PHACTR3: variants seen among roughly 807,000 people sequenced by gnomAD.
The protein encoded by PHACTR3 is protein phosphatase 1, regulatory subunit 123.
In PHACTR3, 16 loss-of-function variants were observed where a neutral mutation model predicts 66.8. That is an observed-to-expected ratio of 0.24 (90% CI 0.16 to 0.36). PHACTR3 has a LOEUF of 0.36. Among genes scored for constraint, PHACTR3 ranks in the 10% least tolerant of loss-of-function variants. The pLI is 1.00. For missense variants in PHACTR3, 647 were observed against 719.9 expected (o/e 0.90, Z 1.16); for synonymous variants, 323 against 292.1 (o/e 1.11, Z -1.08).
chr20:59,602,284 C>T (rs142330930), upstream of PHACTR3, among the ~76,000 whole-genome samples: 940 of 151,936 alleles, frequency 6.2e-3, 11 homozygotes, highest in African/African-American at 0.021. Flanking sequence ...ACATGCATGT[C>T]GGCCCGGTGT....
Position 59,846,015 on chromosome 20 carries a change from C to T in PHACTR3, c.1664+750C>T, listed in dbSNP as rs375780150. 2.5e-4 allele frequency among the ~76,000 whole-genome samples: 38 copies of T among 152,116 alleles called. No individual in the cohort carries two copies. The South Asian group carries it at 5.6e-3, about 22-fold the overall frequency. ...CCCACTTCTTTTCCATGGCCATGAC[C>T]GGTAGTAATTATGTGAAGTTCTCAA... is the stretch of plus-strand genomic sequence containing the variant. On this transcript the variant is annotated intron_variant, in intron 12 of 12. Transcript: ENST00000371015.
rs567920725 is a variant in PHACTR3 at position 59,796,871 on chromosome 20, A to G, written c.1175-9170A>G. Among the ~76,000 whole-genome samples, 197 of 152,310 alleles carry G rather than the reference A, an allele frequency of 1.3e-3. 1 individual carries two copies. Among genetic ancestry groups the G allele is most frequent in the Non-Finnish European group, 2.5e-3 (172 of 68,014 alleles). On this transcript the variant is annotated intron_variant, in intron 7 of 12. Coordinates refer to ENST00000371015, the MANE Select transcript of PHACTR3 (RefSeq NM_080672.5). ...AGTTATTTGGGGATGTTTGAGTTTC[A>G]TGGATCTGGATGTCCATCTCTCTGC...
rs772097905 is a variant in PHACTR3 at position 59,847,415 on chromosome 20, T to G, written c.*285T>G. The G allele has an allele frequency of 3.2e-6, 1 of 312,412 alleles. No individual in the cohort carries two copies. The highest frequency in any genetic ancestry group is 6.1e-6 in the Non-Finnish European group (1 of 164,902). 19.4% of individuals were successfully genotyped at this position (312,412 alleles called of 1,614,324 possible). ...GAAAACTGTTGTTTGCCTTTCAACC[T>G]TGTTTTACAGTTCTGCAGTGTAATG... On this transcript the variant is annotated 3_prime_UTR_variant, in exon 13 of 13. Transcript: ENST00000371015.
Position 59,604,877 on chromosome 20 carries a change from CTT to C in PHACTR3, c.-117_-116del, listed in dbSNP as rs11477768. On this transcript the variant is annotated 5_prime_UTR_variant, in exon 1 of 13. Transcript: ENST00000371015. ...TCTCCAGCTCGTTTCCTTTCCCGGC[CTT>C]TTTTTTTTTTTTTTTTTTTTAATTT... is the stretch of plus-strand genomic sequence containing the variant. 0.01 allele frequency: 9,729 copies of C among 952,698 alleles called. 9 individuals carry two copies. Among genetic ancestry groups the C allele is most frequent in the African/African-American group, 0.033 (1,552 of 46,772 alleles). The allele number at this position is 952,698 out of a possible 1,614,324, so 59.0% of individuals were successfully genotyped here.
intron 3 of PHACTR3, among the ~76,000 whole-genome samples, chr20:59,754,117 A>C (rs1373974102): frequency 6.6e-6 from 1 of 152,248 alleles, no homozygotes; most frequent in Non-Finnish European, 1.5e-5. Context: ...TGTAACGTGC[A>C]TCTCAGTGAC....
Position 59,820,936 on chromosome 20 carries a change from C to G in PHACTR3, c.1328+14742C>G, listed in dbSNP as rs2042013826. 6.6e-6 allele frequency among the ~76,000 whole-genome samples: 1 copy of G among 152,124 alleles called. No individual in the cohort carries two copies. Among genetic ancestry groups the G allele is most frequent in the Non-Finnish European group, 1.5e-5 (1 of 68,014 alleles). On this transcript the variant is annotated intron_variant, in intron 8 of 12. Transcript: ENST00000371015. This position sits in a 1 kb window ranked among gnomAD's most constrained non-coding sequence, Gnocchi z 4.6. ...CTTGAAATGGGTGTGTGATGTCTGCCTGCTCAGATGCTTGCAGGGACTAAA... is the reference window on the plus strand; with the variant it reads ...CTTGAAATGGGTGTGTGATGTCTGCGTGCTCAGATGCTTGCAGGGACTAAA...
intron 1 of PHACTR3, among the ~76,000 whole-genome samples, chr20:59,737,674 G>A (rs1411378081): frequency 6.6e-6 from 1 of 152,144 alleles, no homozygotes; most frequent in African/African-American, 2.4e-5. Flanking sequence ...GGGTGAGCCA[G>A]GACTGTCTAA....
chr20:59,780,910 T>C (rs554646702), intron 7 of PHACTR3, among the ~76,000 whole-genome samples: 131 of 152,320 alleles, frequency 8.6e-4, no homozygotes, highest in African/African-American at 3.0e-3. Flanking sequence ...TTTGTCTCAT[T>C]GTGCTCAGTG....
At chr20:59,714,265 G>A (rs6128672) in intron 1 of PHACTR3, among the ~76,000 whole-genome samples, 2 of 152,104 alleles carry the variant, frequency 1.3e-5, no homozygotes, top group Admixed American at 1.3e-4. Context: ...TCTTATGTAA[G>A]GAGTATTTGC....
chr20:59,677,745 T>A (rs1351636667), intron 1 of PHACTR3, among the ~76,000 whole-genome samples: 3 of 152,204 alleles, frequency 2.0e-5, no homozygotes, highest in Non-Finnish European at 2.9e-5. Context: ...GAGTGTGGTT[T>A]GCGTGTTGTT....
Position 59,738,493 on chromosome 20 carries a change from T to C in PHACTR3, c.119-4614T>C, listed in dbSNP as rs965615003. On this transcript the variant is annotated intron_variant, in intron 1 of 12. Transcript: ENST00000371015. The surrounding 1 kb of genome is among the most constrained non-coding windows in gnomAD (Gnocchi z 4.4). ...CCAGTTGCTGGGGCAGGGATGCTGG[T>C]ACTGGACCAGGGTTGTTATGATGCA... Among the ~76,000 whole-genome samples, 4 of 151,770 alleles carry C rather than the reference T, an allele frequency of 2.6e-5. No individual in the cohort carries two copies. Among genetic ancestry groups the C allele is most frequent in the African/African-American group, 4.8e-5 (2 of 41,300 alleles).
intron 1 of PHACTR3, among the ~76,000 whole-genome samples, chr20:59,643,643 G>T (rs886785518): frequency 1.3e-5 from 2 of 152,198 alleles, no homozygotes; most frequent in African/African-American, 4.8e-5. Context: ...ATCCCAGTGG[G>T]AGAATTAATC....
rs942353419 is a variant in PHACTR3 at position 59,604,931 on chromosome 20, G to A, written c.-84G>A. 19 of 1,024,046 alleles carry A rather than the reference G, an allele frequency of 1.9e-5. No individual in the cohort carries two copies. The highest frequency in any genetic ancestry group is 2.2e-5 in the Non-Finnish European group (19 of 859,914). The allele number at this position is 1,024,046 out of a possible 1,614,324, so 63.4% of individuals were successfully genotyped here. A position where few individuals can be genotyped will look rare whatever the true frequency, so the allele number is the denominator to read the frequency against. On this transcript the variant is annotated 5_prime_UTR_variant, in exon 1 of 13. Transcript: ENST00000371015. ...CTTTTTTAAAAAGACGCCCCCTCCAGCCCCCTCGCCGGTGACCTTGGCCGC... is the reference window on the plus strand; with the variant it reads ...CTTTTTTAAAAAGACGCCCCCTCCAACCCCCTCGCCGGTGACCTTGGCCGC...
At chr20:59,845,300 T>C (rs2059128746) in intron 12 of PHACTR3, 35 bp downstream of exon 12, 1 of 1,385,110 alleles carries the variant, frequency 7.2e-7, no homozygotes, top group Non-Finnish European at 1.0e-6. Flanking sequence ...ATGGTACTTA[T>C]TTTTGAAACA....
At chr20:59,806,845 C>T (rs79896354) in intron 8 of PHACTR3, among the ~76,000 whole-genome samples, 5,301 of 152,306 alleles carry the variant, frequency 0.035, 309 homozygotes, top group African/African-American at 0.11. Context: ...GCTACAAACC[C>T]GTACAGCACA....
At chr20:59,698,431 TA>T (rs1000503587) in intron 1 of PHACTR3, among the ~76,000 whole-genome samples, 17 of 146,770 alleles carry the variant, frequency 1.2e-4, no homozygotes, top group South Asian at 2.2e-4. Flanking sequence ...TGTTGAATGA[TA>T]AAAAAAAAAG....
chr20:59,588,716 AC>A (rs567383097), intron 1 of PHACTR3, among the ~76,000 whole-genome samples: 1 of 127,352 alleles, frequency 7.9e-6, no homozygotes, highest in East Asian at 2.2e-4. Flanking sequence ...ACCACCTCCC[AC>A]CCCCGCTCCC....
At chr20:59,626,513 G>C (rs1216948820) in intron 1 of PHACTR3, 1 of 152,368 alleles carries the variant, frequency 6.6e-6, no homozygotes, top group Non-Finnish European at 1.5e-5. Context: ...TAGGGCAGCA[G>C]GAACAGCAGG....
intron 8 of PHACTR3, 87 bp downstream of exon 8, chr20:59,806,281 AGGCC>A: frequency 3.3e-6 from 5 of 1,515,008 alleles, no homozygotes; most frequent in Non-Finnish European, 4.5e-6. Context: ...TGGGTGTGCC[AGGCC>A]GGGACGCACA....
Sources: gnomAD v4.1 joint callset for allele counts (sites outside exome capture counted in the v4.1 genomes callset) on GRCh38, gnomAD v4.1.1 for gene constraint, Gnocchi (gnomAD v3.1) non-coding constraint, MANE v1.5 for transcripts, NCBI Gene and HGNC (gene_info 2026-07-23, HGNC 2026-07-21) for gene names.